The following EIF3B variants were observed in gnomAD, a reference collection of about 807,000 sequenced individuals.
EIF3B encodes the protein eukaryotic translation initiation factor 3 subunit B, also known as eukaryotic translation initiation factor 3 subunit 9.
A neutral mutation model predicts 104.6 loss-of-function variants in EIF3B; 10 were observed. The observed-to-expected ratio is 0.10, with a 90% CI of 0.06 to 0.16. The LOEUF (loss-of-function observed/expected upper bound fraction) is 0.16, where lower values mean the gene tolerates loss of function less well. Among genes scored for constraint, EIF3B ranks in the 10% least tolerant of loss-of-function variants. The pLI is 1.00. For missense variants in EIF3B, 1,014 were observed against 1,087.9 expected (o/e 0.93, Z 0.96); for synonymous variants, 542 against 417.2 (o/e 1.30, Z -3.65).
intron 12 of EIF3B, chr7:2,373,403 G>GGT (rs1371383392): frequency 5.9e-5 from 9 of 152,444 alleles, no homozygotes; most frequent in East Asian, 5.8e-4. Context: ...ATAGGCGTGG[G>GGT]GTGTGTGTGT....
rs373039793 is a variant in EIF3B at position 2,379,174 on chromosome 7, G to A, written c.2273G>A (p.Arg758Gln). 3.8e-5 allele frequency: 62 copies of A among 1,613,856 alleles called. No homozygotes were observed. The highest frequency in any genetic ancestry group is 2.8e-5 in the Non-Finnish European group (33 of 1,179,994). Residue 758 changes from arginine to glutamine, a missense_variant, in exon 17 of 19, where the codon CGG becomes CAG. Physicochemically the swap from Arg to Gln is conservative, Grantham distance 43. This residue lies in a region of EIF3B where 266 missense variants were observed against 324.0 expected (regional missense o/e 0.82). Coordinates refer to ENST00000360876, the MANE Select transcript of EIF3B (RefSeq NM_001037283.2). Reference protein sequence around the residue: ...ERRRTMMEDFRKYRKMAQELY... With the variant: ...ERRRTMMEDFQKYRKMAQELY... ...AGGCGCACCATGATGGAAGATTTCC[G>A]GAAGTACCGGAAAATGGCCCAGGAG...
At chr7:2,363,554 A>G in intron 4 of EIF3B, 78 bp from the exon 5 acceptor site, 5 of 1,348,998 alleles carry the variant, frequency 3.7e-6, no homozygotes, top group Non-Finnish European at 5.1e-6. Context: ...AACTTGTCAT[A>G]TCTTTAAGAG....
intron 10 of EIF3B, among the ~76,000 whole-genome samples, chr7:2,371,475 C>T (rs1202636616): frequency 2.6e-5 from 4 of 152,314 alleles, no homozygotes; most frequent in African/African-American, 9.6e-5. Context: ...CTGCAGCCTG[C>T]AGTGTGGACC....
Position 2,366,395 on chromosome 7 carries a change from G to C in EIF3B, c.1236G>C (p.Gly412=), listed in dbSNP as rs1484715618. Residue 412 remains glycine (G), a synonymous_variant, in exon 7 of 19, where the codon GGG becomes GGC. Coordinates refer to ENST00000360876, the MANE Select transcript of EIF3B (RefSeq NM_001037283.2). ...QAIIIWDILT[G]HKKRGFHCES... ...TAATCATCTGGGACATCCTTACGGG[G>C]CACAAGAAGAGGGGTTTTCACTGTG... is the stretch of plus-strand genomic sequence containing the variant. 6.2e-7 allele frequency: 1 copy of C among 1,614,024 alleles called. No homozygotes were observed. Among genetic ancestry groups the C allele is most frequent in the Admixed American group, 1.7e-5 (1 of 59,988 alleles).
chr7:2,364,590 G>A (rs995053980), intron 6 of EIF3B, 61 bp downstream of exon 6: 1 of 1,451,328 alleles, frequency 6.9e-7, no homozygotes, highest in East Asian at 2.3e-5. Flanking sequence ...GCCTTCTACA[G>A]GTGATCTTTC....
intron 6 of EIF3B, among the ~76,000 whole-genome samples, chr7:2,366,045 G>T (rs931168801): frequency 6.6e-6 from 1 of 152,086 alleles, no homozygotes; most frequent in Non-Finnish European, 1.5e-5. Context: ...TCCACACTGC[G>T]CCACCCTCTG....
chr7:2,361,468 G>A (rs1031991928), intron 2 of EIF3B, among the ~76,000 whole-genome samples: 3 of 152,078 alleles, frequency 2.0e-5, no homozygotes, highest in African/African-American at 7.2e-5. Context: ...CGCCCAGGCT[G>A]GAGTGCAGTG....
intron 11 of EIF3B, 58 bp from the exon 12 acceptor site, chr7:2,372,615 C>G: frequency 3.2e-6 from 5 of 1,579,410 alleles, no homozygotes; most frequent in Admixed American, 1.8e-5. Context: ...TTTAACTGAT[C>G]AAGAGCACTA....
Position 2,355,346 on chromosome 7 carries a change from C to A in EIF3B, c.425C>A (p.Ala142Glu), listed in dbSNP as rs867728535. 1.9e-6 allele frequency: 3 copies of A among 1,539,344 alleles called. No homozygotes were observed. The highest frequency in any genetic ancestry group is 1.4e-5 in the African/African-American group (1 of 73,004). The change falls in exon 1 of 19, where the codon GCG (alanine) becomes GAG (glutamate). Residue 142 changes from alanine (A) to glutamate (E), a missense_variant. By Grantham distance (107) the Ala-to-Glu change is moderately radical. Transcript: ENST00000360876. ...EGRAAEAEPR[A>E]LENGDADEPS... is the part of the protein sequence containing the mutation. Reference sequence around the variant, plus strand: ...AGAGCGGCCGAGGCCGAACCCCGGGCGCTGGAGAACGGCGACGCGGACGAG... The same window carrying A: ...AGAGCGGCCGAGGCCGAACCCCGGGAGCTGGAGAACGGCGACGCGGACGAG...
Position 2,362,710 on chromosome 7 carries a change from A to G in EIF3B, c.758A>G (p.Tyr253Cys), listed in dbSNP as rs1476339335. 7 of 1,614,202 alleles carry G rather than the reference A, an allele frequency of 4.3e-6. No homozygotes were observed. Among genetic ancestry groups the G allele is most frequent in the Non-Finnish European group, 5.1e-6 (6 of 1,180,012 alleles). ...GATGCTGTGAAGAACGCCGACGGCT[A>G]CAAGCTTGACAAGCAGCACACATTC... ...AVDAVKNADG[Y>C]KLDKQHTFRV... The change falls in exon 3 of 19, where the codon TAC becomes TGC. Residue 253 changes from tyrosine (Y) to cysteine (C), a missense_variant. Coordinates refer to ENST00000360876, the MANE Select transcript of EIF3B (RefSeq NM_001037283.2).
In EIF3B at chr7:2,355,119, G is replaced by A; in HGVS notation, c.198G>A (p.Val66=). 1 of 1,395,750 alleles carries A rather than the reference G, an allele frequency of 7.2e-7. No individual in the cohort carries two copies. The highest frequency in any genetic ancestry group is 9.2e-7 in the Non-Finnish European group (1 of 1,083,782). The allele number at this position is 1,395,750 out of a possible 1,614,324, so 86.5% of individuals were successfully genotyped here. ...GIAEAGPESE[V]RTEPAAEAEA... ...CGGAGGCCGGGCCGGAGTCCGAGGT[G>A]AGGACCGAGCCGGCGGCCGAGGCAG... Residue 66 remains valine (V), a synonymous_variant, in exon 1 of 19, where the codon GTG becomes GTA. Coordinates refer to ENST00000360876, the MANE Select transcript of EIF3B (RefSeq NM_001037283.2).
intron 6 of EIF3B, among the ~76,000 whole-genome samples, chr7:2,364,942 C>G (rs1283958417): frequency 6.6e-6 from 1 of 152,204 alleles, no homozygotes; most frequent in Non-Finnish European, 1.5e-5. Flanking sequence ...AGGATCTAGT[C>G]TAAGGTCACG....
At chr7:2,370,508 C>T (rs1382359181) in intron 10 of EIF3B, among the ~76,000 whole-genome samples, 1 of 152,064 alleles carries the variant, frequency 6.6e-6, no homozygotes, top group African/African-American at 2.4e-5. Context: ...CTGAGTTTTC[C>T]CTCTAATAGA....
At chr7:2,364,197 G>A (rs1779885624) in intron 5 of EIF3B, 175 bp from the exon 6 acceptor site, 3 of 591,468 alleles carry the variant, frequency 5.1e-6, no homozygotes, top group East Asian at 3.1e-5. Context: ...GGGAGGTGGA[G>A]CTTGCAGTGA....
intron 9 of EIF3B, 167 bp downstream of exon 9, chr7:2,367,212 T>G (rs1395778983): frequency 4.8e-6 from 3 of 628,726 alleles, no homozygotes; most frequent in Non-Finnish European, 8.0e-6. Context: ...GCCTGCAGAC[T>G]GTCTGGTGAC....
At chr7:2,374,393 T>G in intron 12 of EIF3B, 135 bp from the exon 13 acceptor site, 1 of 705,758 alleles carries the variant, frequency 1.4e-6, no homozygotes, top group Non-Finnish European at 2.4e-6. Context: ...TTTGTAAAAT[T>G]GTTTTCCGAG....
intron 12 of EIF3B, 177 bp from the exon 13 acceptor site, chr7:2,374,351 G>T: frequency 1.8e-6 from 1 of 569,710 alleles, no homozygotes; most frequent in Non-Finnish European, 3.2e-6. Context: ...TTAAAGTATG[G>T]ATCATGACTT....
intron 14 of EIF3B, chr7:2,376,653 G>A (rs1410940087): frequency 7.5e-5 from 27 of 360,426 alleles, no homozygotes; most frequent in East Asian, 3.4e-4. Context: ...CAGCGGCGCA[G>A]TAGTGAGGCA....
In EIF3B at chr7:2,372,649, A is replaced by G. The variant is rs200865222; in HGVS notation, c.1688-24A>G. The G allele has an allele frequency of 6.1e-5, 98 of 1,609,264 alleles. 1 individual carries two copies. Among genetic ancestry groups the G allele is most frequent in the Admixed American group, 5.1e-4 (30 of 59,264 alleles). The stretch of plus-strand genomic sequence containing the variant: ...TATGTTCTGAATTGACCAAAAAGGG[A>G]GGGGTCTGTTTTGTGCATTTTAGAA... On this transcript the variant is annotated intron_variant, in intron 11 of 18. Coordinates refer to ENST00000360876, the MANE Select transcript of EIF3B (RefSeq NM_001037283.2).
Sources: allele counts gnomAD v4.1 joint callset (sites outside exome capture counted in the v4.1 genomes callset), GRCh38; gene constraint gnomAD v4.1.1; regional missense constraint gnomAD v4.1.1; transcripts MANE v1.5; gene names NCBI Gene and HGNC (gene_info 2026-07-23, HGNC 2026-07-21).